Variants in NOS1 observed in about 807,000 individuals in gnomAD.
NOS1 encodes the protein NOS type I.
In NOS1, 51 loss-of-function variants were observed where a neutral mutation model predicts 164.5. The ratio of observed to expected loss-of-function variants is 0.31; its 90% confidence interval spans 0.25 to 0.39. NOS1 has a LOEUF of 0.39. NOS1 is among the 10% of genes least tolerant of loss of function. The pLI is 1.00. For missense variants in NOS1, 1,362 were observed against 1,885.6 expected (o/e 0.72, Z 5.14); for synonymous variants, 719 against 745.8 (o/e 0.96, Z 0.59).
At chr12:117,239,714 T>C (rs561321561) in intron 20 of NOS1, among the ~76,000 whole-genome samples, 57 of 151,998 alleles carry the variant, frequency 3.8e-4, no homozygotes, top group African/African-American at 9.2e-4. Flanking sequence ...TCTTCTTCTT[T>C]TTTTTTTTTA....
rs936247869 is a variant in NOS1, at chr12:117,209,184, CAG to C, written c.*6123_*6124del. On this transcript the variant is annotated 3_prime_UTR_variant, in exon 29 of 29. Transcript: ENST00000317775. ...TAATGAGAAGTCCTGGGGTAGCCAG[CAG>C]AGATTCTCTTGACCCTGAAGTCCAA... 2.3e-5 allele frequency: 23 copies of C among 985,302 alleles called. No individual in the cohort carries two copies. Among genetic ancestry groups the C allele is most frequent in the Non-Finnish European group, 2.7e-5 (22 of 829,954 alleles). 61.0% of individuals were successfully genotyped at this position (985,302 alleles called of 1,614,324 possible). A position where few individuals can be genotyped will look rare whatever the true frequency, so the allele number is the denominator to read the frequency against.
At chr12:117,233,034 CT>C (rs34474757) in intron 21 of NOS1, among the ~76,000 whole-genome samples, 206 of 88,370 alleles carry the variant, frequency 2.3e-3, no homozygotes, top group Middle Eastern at 7.8e-3. Flanking sequence ...TGCCTCACTA[CT>C]TTTTTTTTTT....
chr12:117,242,198 G>T (rs1422721261), intron 20 of NOS1, among the ~76,000 whole-genome samples: 2 of 152,264 alleles, frequency 1.3e-5, no homozygotes, highest in South Asian at 2.1e-4. Context: ...TGTTTTGTGA[G>T]GTAATGAACC....
chr12:117,269,902 G>A (rs1401969459), intron 10 of NOS1, among the ~76,000 whole-genome samples: 1 of 152,140 alleles, frequency 6.6e-6, no homozygotes, highest in Non-Finnish European at 1.5e-5. Context: ...CTGAGCTCAT[G>A]AGGCCCCTGC....
intron 16 of NOS1, chr12:117,256,096 T>C: frequency 1.1e-6 from 1 of 914,258 alleles, no homozygotes; most frequent in Non-Finnish European, 1.6e-6. Flanking sequence ...AGAGGGAACC[T>C]GCTGGGAGGC....
At chr12:117,235,288 T>C (rs1419698660) in intron 20 of NOS1, among the ~76,000 whole-genome samples, 1 of 152,188 alleles carries the variant, frequency 6.6e-6, no homozygotes. Context: ...GGCTGGTTCC[T>C]AGGGTTCATC....
intron 7 of NOS1, 96 bp downstream of exon 7, chr12:117,285,145 G>T: frequency 1.6e-6 from 1 of 606,932 alleles, no homozygotes; most frequent in Non-Finnish European, 2.8e-6. Flanking sequence ...GAGATGAGGT[G>T]CATTTCCCTG....
chr12:117,256,915 T>G (rs1871505326), intron 16 of NOS1, among the ~76,000 whole-genome samples: 1 of 151,724 alleles, frequency 6.6e-6, no homozygotes, highest in Non-Finnish European at 1.5e-5. Context: ...CTACTAAAAA[T>G]ACAAAAATTA....
At chr12:117,308,854 C>T (rs2136052352) in intron 3 of NOS1, among the ~76,000 whole-genome samples, 1 of 152,228 alleles carries the variant, frequency 6.6e-6, no homozygotes, top group African/African-American at 2.4e-5. Flanking sequence ...CTCGGCCTCC[C>T]AAAGTGCTGG....
In NOS1 at chr12:117,210,161, AG is replaced by A; in HGVS notation, c.*5147del. On this transcript the variant is annotated 3_prime_UTR_variant, in exon 29 of 29. Coordinates refer to ENST00000317775, the MANE Select transcript of NOS1 (RefSeq NM_000620.5). ...CTAATTTTTTTTTTTTTTTTTTTTT[AG>A]TAGAGACGAGATTGCGCTGTGTTGC... 3.5e-6 allele frequency: 1 copy of A among 284,516 alleles called. No homozygotes were observed. Among genetic ancestry groups the A allele is most frequent in the Non-Finnish European group, 4.6e-6 (1 of 216,952 alleles). 17.6% of individuals were successfully genotyped at this position (284,516 alleles called of 1,614,324 possible).
intron 1 of NOS1, among the ~76,000 whole-genome samples, chr12:117,345,581 T>G (rs145271702): frequency 3.4e-4 from 52 of 152,350 alleles, no homozygotes; most frequent in East Asian, 2.9e-3. Flanking sequence ...AATATATATT[T>G]AGTGCTGTAA....
chr12:117,346,332 G>T (rs1476008498), intron 1 of NOS1, among the ~76,000 whole-genome samples: 4 of 152,130 alleles, frequency 2.6e-5, no homozygotes, highest in African/African-American at 9.7e-5. Context: ...TTAGCCAGGC[G>T]TGGTGGCACG....
chr12:117,337,470 T>G (rs1875891122), intron 1 of NOS1, among the ~76,000 whole-genome samples: 1 of 152,132 alleles, frequency 6.6e-6, no homozygotes, highest in Non-Finnish European at 1.5e-5. Context: ...CACACATGGC[T>G]TGCATTATAT....
chr12:117,348,786 G>A (rs555026323), intron 1 of NOS1, among the ~76,000 whole-genome samples: 16 of 152,304 alleles, frequency 1.1e-4, no homozygotes, highest in African/African-American at 1.4e-4. Flanking sequence ...TGTCAAGCCC[G>A]TGGGAGACAA....
intron 2 of NOS1, among the ~76,000 whole-genome samples, chr12:117,325,380 A>T (rs979526679): frequency 1.3e-5 from 2 of 152,052 alleles, no homozygotes; most frequent in African/African-American, 4.8e-5. Context: ...TCCTTATTTC[A>T]GCCCCTAGGA....
At chr12:117,215,438 CT>C (rs149003143) in intron 28 of NOS1, 114 bp from the exon 29 acceptor site, 172,171 of 966,496 alleles carry the variant, frequency 0.18, no homozygotes, top group Non-Finnish European at 0.19. Context: ...TTGTCTCTTT[CT>C]TTTTTTTTTT....
chr12:117,284,777 T>C (rs1873969379), intron 7 of NOS1, among the ~76,000 whole-genome samples: 1 of 151,978 alleles, frequency 6.6e-6, no homozygotes, highest in African/African-American at 2.4e-5. Context: ...GGGCTGGGCG[T>C]GGTGGCTCAT....
At position 117,335,729 on chromosome 12, in the gene NOS1, T is replaced by TGGGAGAGAGAGAGAGAGAGAGA. The variant is rs368456314; in HGVS notation, c.-420-4241_-420-4240insTCTCTCTCTCTCTCTCTCTCCC. 2.1e-4 allele frequency among the ~76,000 whole-genome samples: 24 copies of TGGGAGAGAGAGAGAGAGAGAGA among 112,602 alleles called. 1 individual carries two copies. The highest frequency in any genetic ancestry group is 7.1e-4 in the African/African-American group (20 of 28,032). 73.9% of individuals were successfully genotyped at this position (112,602 alleles called of 152,430 possible). A position where few individuals can be genotyped will look rare whatever the true frequency, so the allele number is the denominator to read the frequency against. ...TTTTATTTAATTGTTACAGACTATATGAGAGAGAGAGAGAGAGAGAGAGAG... is the reference window on the plus strand; with the variant it reads ...TTTTATTTAATTGTTACAGACTATATGGGAGAGAGAGAGAGAGAGAGAGAGAGAGAGAGAGAGAGAGAGAGAG... On this transcript the variant is annotated intron_variant, in intron 1 of 28. Coordinates refer to ENST00000317775, the MANE Select transcript of NOS1 (RefSeq NM_000620.5).
At chr12:117,320,140 T>C (rs1874849117) in intron 2 of NOS1, among the ~76,000 whole-genome samples, 1 of 152,024 alleles carries the variant, frequency 6.6e-6, no homozygotes, top group Non-Finnish European at 1.5e-5. Flanking sequence ...GTTAGATGAG[T>C]GTGGTAGGCT....
Sources: gnomAD v4.1 joint callset for allele counts (sites outside exome capture counted in the v4.1 genomes callset) on GRCh38, gnomAD v4.1.1 for gene constraint, MANE v1.5 for transcripts, NCBI Gene and HGNC (gene_info 2026-07-23, HGNC 2026-07-21) for gene names.